PMF1: variants seen among roughly 807,000 people sequenced by gnomAD.
PMF1 encodes polyamine-modulated factor 1.
In PMF1, 21 loss-of-function variants were observed where a neutral mutation model predicts 26.7. The ratio of observed to expected loss-of-function variants is 0.79; its 90% confidence interval spans 0.56 to 1.13. The LOEUF (loss-of-function observed/expected upper bound fraction) is 1.13. Ranked by LOEUF, PMF1 falls within the 50% of genes most tolerant of loss-of-function variation. The pLI is 0.00. For synonymous variants in PMF1, 105 were observed against 101.0 expected, an observed-to-expected ratio of 1.04 and a Z score of -0.24; for missense variants, 266 against 254.9, an observed-to-expected ratio of 1.04 and a Z score of -0.30.
rs199516871 is a variant in PMF1 at position 156,227,302 on chromosome 1, AAGACCAG to A, written c.162-5017_162-5011del. Among the ~76,000 whole-genome samples the A allele has an allele frequency of 4.2e-3, 637 of 151,838 alleles. 2 individuals carry two copies. Among genetic ancestry groups the A allele is most frequent in the African/African-American group, 0.015 (608 of 41,456 alleles). On this transcript the variant is annotated intron_variant, in intron 1 of 4. Transcript: ENST00000368277. ...GTGGATCACCTGAGATTGGGAGTTCAAGACCAGCCTGGCCAACATGGTGAAACCCTGT... is the reference window on the plus strand; with the variant it reads ...GTGGATCACCTGAGATTGGGAGTTCACCTGGCCAACATGGTGAAACCCTGT...
intron 1 of PMF1, among the ~76,000 whole-genome samples, chr1:156,224,804 C>T (rs1658266676): frequency 6.6e-6 from 1 of 152,120 alleles, no homozygotes; most frequent in Non-Finnish European, 1.5e-5. Context: ...TTATCTCTTT[C>T]TTCTTTCCCT....
chr1:156,229,918 T>C (rs900874149), intron 1 of PMF1, among the ~76,000 whole-genome samples: 4 of 152,212 alleles, frequency 2.6e-5, no homozygotes, highest in African/African-American at 9.6e-5. Context: ...GTAATTTAAT[T>C]CTTAATAATG....
rs749926986 is a variant in PMF1, at chr1:156,236,423, A to G, written c.504A>G (p.Ala168=). The G allele has an allele frequency of 1.2e-6, 2 of 1,614,148 alleles. No homozygotes were observed. The highest frequency in any genetic ancestry group is 2.2e-5 in the South Asian group (2 of 91,082). Reference sequence around the variant, plus strand: ...AGCAGCTGGCAGATGCCGTCCTGGCAGGGCGGAGGCAGGTGGAGGAGCTGC... The same window carrying G: ...AGCAGCTGGCAGATGCCGTCCTGGCGGGGCGGAGGCAGGTGGAGGAGCTGC... ...ENQQLADAVL[A]GRRQVEELQL... Residue 168 remains alanine (A), a synonymous_variant, in exon 4 of 5, where the codon GCA becomes GCG. Coordinates refer to ENST00000368277, the MANE Select transcript of PMF1 (RefSeq NM_007221.4).
chr1:156,217,559 C>G (rs1158513551), intron 1 of PMF1, among the ~76,000 whole-genome samples: 1 of 151,990 alleles, frequency 6.6e-6, no homozygotes, highest in Non-Finnish European at 1.5e-5. Flanking sequence ...AACCCCGTCT[C>G]TACTAAAAAT....
chr1:156,226,187 G>A (rs936159171), intron 1 of PMF1, among the ~76,000 whole-genome samples: 4 of 151,502 alleles, frequency 2.6e-5, no homozygotes. Context: ...AAATTTTTTT[G>A]TGAAGACAGG....
At chr1:156,237,962 T>G (rs12079837) in intron 4 of PMF1, among the ~76,000 whole-genome samples, 1,974 of 152,150 alleles carry the variant, frequency 0.013, 45 homozygotes, top group African/African-American at 0.046. Flanking sequence ...GAGACGGGGT[T>G]TCACCATGTT....
At chr1:156,220,088 C>T (rs1340123533) in intron 1 of PMF1, among the ~76,000 whole-genome samples, 2 of 151,866 alleles carry the variant, frequency 1.3e-5, no homozygotes, top group African/African-American at 4.8e-5. Context: ...CTCAGCCTCC[C>T]GGGTAGCTGG....
At chr1:156,222,543 C>T (rs557420447) in intron 1 of PMF1, among the ~76,000 whole-genome samples, 30 of 152,234 alleles carry the variant, frequency 2.0e-4, no homozygotes, top group Non-Finnish European at 3.1e-4. Context: ...CCACCACGCC[C>T]GGCTAATTTT....
chr1:156,226,971 T>C (rs370013441), intron 1 of PMF1, among the ~76,000 whole-genome samples: 22 of 152,224 alleles, frequency 1.4e-4, no homozygotes, highest in African/African-American at 5.1e-4. Context: ...GGGGGAGGAC[T>C]CCTCTTCCCA....
chr1:156,219,371 G>C (rs1331601868), intron 1 of PMF1, among the ~76,000 whole-genome samples: 1 of 152,020 alleles, frequency 6.6e-6, no homozygotes, highest in Non-Finnish European at 1.5e-5. Context: ...CTCAAGCCAG[G>C]CTTATTTTTC....
At position 156,235,657 on chromosome 1, in the gene PMF1, G is replaced by T. The variant is rs183790400; in HGVS notation, c.369-631G>T. Among the ~76,000 whole-genome samples, 32 of 151,360 alleles carry T rather than the reference G, an allele frequency of 2.1e-4. No individual in the cohort carries two copies. In the East Asian group the frequency reaches 6.1e-3, roughly 29 times the overall value. On this transcript the variant is annotated intron_variant, in intron 3 of 4. Transcript: ENST00000368277. Reference sequence around the variant, plus strand: ...GGGGTTTCACCATGTTAGCCAGGATGCTCTCGATCTCCTGACCTCGTGATC... The same window carrying T: ...GGGGTTTCACCATGTTAGCCAGGATTCTCTCGATCTCCTGACCTCGTGATC...
intron 1 of PMF1, among the ~76,000 whole-genome samples, chr1:156,226,101 C>A (rs1331202734): frequency 6.6e-6 from 1 of 152,090 alleles, no homozygotes; most frequent in Non-Finnish European, 1.5e-5. Flanking sequence ...GTGATCCCCC[C>A]ACTTCGGCCT....
At chr1:156,221,529 G>A (rs1253611189) in intron 1 of PMF1, among the ~76,000 whole-genome samples, 1 of 152,152 alleles carries the variant, frequency 6.6e-6, no homozygotes, top group South Asian at 2.1e-4. Flanking sequence ...GTCCTTGAGG[G>A]CAGTATCTTG....
intron 3 of PMF1, among the ~76,000 whole-genome samples, chr1:156,235,043 C>A (rs867175701): frequency 6.6e-6 from 1 of 152,044 alleles, no homozygotes; most frequent in Non-Finnish European, 1.5e-5. Context: ...GAGTAGAAAT[C>A]TTTTTTGTAA....
intron 1 of PMF1, among the ~76,000 whole-genome samples, chr1:156,217,785 A>G (rs1366079779): frequency 1.3e-5 from 2 of 152,006 alleles, no homozygotes; most frequent in African/African-American, 4.8e-5. Context: ...CACATGGTTC[A>G]TAGCTTCTTA....
At chr1:156,225,142 C>T (rs1470641978) in intron 1 of PMF1, among the ~76,000 whole-genome samples, 1 of 152,148 alleles carries the variant, frequency 6.6e-6, no homozygotes, top group Non-Finnish European at 1.5e-5. Context: ...TCAGGTAATC[C>T]GCCCACCTCA....
chr1:156,232,403 C>G lies in PMF1; in HGVS notation c.245C>G (p.Ala82Gly). 1 of 1,613,940 alleles carries G rather than the reference C, an allele frequency of 6.2e-7. No homozygotes were observed. Among genetic ancestry groups the G allele is most frequent in the Admixed American group, 1.7e-5 (1 of 60,010 alleles). ...CAGCAAATCTATGACAAGTTTATAG[C>G]TCAGTTGCAGACATCTATCCGGGTG... is the stretch of plus-strand genomic sequence containing the variant. ...MTQQIYDKFIAQLQTSIREEI... is the reference protein window; with the variant it reads ...MTQQIYDKFIGQLQTSIREEI... The change falls in exon 2 of 5, where the codon GCT becomes GGT. Residue 82 changes from alanine to glycine, a missense_variant. Coordinates refer to ENST00000368277, the MANE Select transcript of PMF1 (RefSeq NM_007221.4).
intron 1 of PMF1, among the ~76,000 whole-genome samples, chr1:156,229,124 G>A (rs985651333): frequency 5.3e-5 from 8 of 152,186 alleles, no homozygotes; most frequent in South Asian, 2.1e-4. Flanking sequence ...TAGCCAGGAT[G>A]GTCTCCATCT....
intron 1 of PMF1, chr1:156,223,511 A>T (rs1452678719): frequency 6.6e-6 from 1 of 152,124 alleles, no homozygotes; most frequent in Non-Finnish European, 1.5e-5. Context: ...CAGCTTCCTC[A>T]TCTGAAAAAT....
Sources: allele counts gnomAD v4.1 joint callset (sites outside exome capture counted in the v4.1 genomes callset), GRCh38; gene constraint gnomAD v4.1.1; transcripts MANE v1.5; gene names NCBI Gene and HGNC (gene_info 2026-07-23, HGNC 2026-07-21).